Variants in TAF5 observed in about 807,000 individuals in gnomAD.
TAF5 encodes the protein transcription initiation factor TFIID subunit 5.
In TAF5, 20 loss-of-function variants were observed where a neutral mutation model predicts 80.9. That is an observed-to-expected ratio of 0.25 (90% confidence interval 0.17 to 0.36). The LOEUF (loss-of-function observed/expected upper bound fraction) is 0.36, where lower values mean the gene tolerates loss of function less well. Ranked by LOEUF, TAF5 falls within the 10% of genes least tolerant of loss-of-function variation. TAF5 has a pLI of 1.00. For synonymous variants in TAF5, 388 were observed against 406.4 expected, an observed-to-expected ratio of 0.95 and a Z score of 0.55; for missense variants, 863 against 1,029.4, an observed-to-expected ratio of 0.84 and a Z score of 2.21.
Position 103,387,369 on chromosome 10 carries a change from C to T in TAF5, c.2007+17C>T, listed in dbSNP as rs1210891361. On this transcript the variant is annotated intron_variant, in intron 9 of 10. Coordinates refer to ENST00000369839, the MANE Select transcript of TAF5 (RefSeq NM_006951.5). ...GGACACAAGGTATTTTACACTCTTA[C>T]TATTCCAGCATCCAAGGTTGCTTTC... 6 of 1,590,638 alleles carry T rather than the reference C, an allele frequency of 3.8e-6. No homozygotes were observed. The highest frequency in any genetic ancestry group is 5.1e-6 in the Non-Finnish European group (6 of 1,169,714).
chr10:103,381,245 G>A (rs1018646753), intron 5 of TAF5, among the ~76,000 whole-genome samples: 2 of 151,276 alleles, frequency 1.3e-5, no homozygotes, highest in Non-Finnish European at 2.9e-5. Flanking sequence ...CCCCGCGCCC[G>A]GCCAAACTTA....
chr10:103,379,458 A>G, intron 3 of TAF5, 150 bp from the exon 4 acceptor site: 1 of 670,126 alleles, frequency 1.5e-6, no homozygotes, highest in African/African-American at 1.9e-5. Flanking sequence ...GTAAGGAAAA[A>G]GGGGAGAATG....
Position 103,367,986 on chromosome 10 carries a change from C to T in TAF5, c.-4C>T, listed in dbSNP as rs1156354454. 3 of 1,459,744 alleles carry T rather than the reference C, an allele frequency of 2.1e-6. No individual in the cohort carries two copies. Among genetic ancestry groups the T allele is most frequent in the East Asian group, 3.0e-5 (1 of 33,756 alleles). 90.4% of individuals were successfully genotyped at this position (1,459,744 alleles called of 1,614,324 possible). A position where few individuals can be genotyped will look rare whatever the true frequency, so the allele number is the denominator to read the frequency against. On this transcript the variant is annotated 5_prime_UTR_variant, in exon 1 of 11. Coordinates refer to ENST00000369839, the MANE Select transcript of TAF5 (RefSeq NM_006951.5). Reference sequence around the variant, plus strand: ...TTGACGGCGCGAGGTGGCTCAGCCGCAAGATGGCGGCGCTGGCGGAGGAGC... The same window carrying T: ...TTGACGGCGCGAGGTGGCTCAGCCGTAAGATGGCGGCGCTGGCGGAGGAGC...
At chr10:103,382,813 A>G (rs1360134613) in intron 6 of TAF5, among the ~76,000 whole-genome samples, 1 of 150,506 alleles carries the variant, frequency 6.6e-6, no homozygotes, top group Non-Finnish European at 1.5e-5. Flanking sequence ...ACACTGGCTA[A>G]TTTTTTATTT....
At chr10:103,375,510 C>A (rs997915057) in intron 2 of TAF5, among the ~76,000 whole-genome samples, 1 of 152,160 alleles carries the variant, frequency 6.6e-6, no homozygotes, top group Non-Finnish European at 1.5e-5. Context: ...ATGCCTTTGA[C>A]TCATTTAAGA....
chr10:103,379,950 C>T lies in TAF5; in HGVS notation c.1344C>T (p.Thr448=), dbSNP rs1019592061. The T allele has an allele frequency of 6.2e-7, 1 of 1,613,896 alleles. No homozygotes were observed. The highest frequency in any genetic ancestry group is 8.5e-7 in the Non-Finnish European group (1 of 1,179,986). The change falls in exon 5 of 11, where the codon ACC becomes ACT. Residue 448 remains threonine, a synonymous_variant. Coordinates refer to ENST00000369839, the MANE Select transcript of TAF5 (RefSeq NM_006951.5). ...AGATAATGAATATGAAAGAAACCAC[C>T]AAACGAGTGCGCCTTGGGCCGGACT... is the stretch of plus-strand genomic sequence containing the variant. ...LDKIMNMKET[T]KRVRLGPDCL...
At chr10:103,376,130 C>T (rs889383126) in intron 2 of TAF5, among the ~76,000 whole-genome samples, 1 of 150,366 alleles carries the variant, frequency 6.7e-6, no homozygotes, top group African/African-American at 2.4e-5. Context: ...TTGCTCTTGT[C>T]ACCCAGGCTG....
intron 6 of TAF5, 111 bp downstream of exon 6, chr10:103,381,952 ACTTT>A: frequency 6.9e-7 from 1 of 1,441,886 alleles, no homozygotes; most frequent in Non-Finnish European, 9.5e-7. Flanking sequence ...ACTTGATTTT[ACTTT>A]AACTCAAGAT....
intron 2 of TAF5, among the ~76,000 whole-genome samples, chr10:103,375,994 G>T (rs2093369167): frequency 6.6e-6 from 1 of 151,132 alleles, no homozygotes; most frequent in East Asian, 2.0e-4. Context: ...GGAGGCAGAG[G>T]TTGCAGTGAG....
At chr10:103,387,903 A>AT in intron 10 of TAF5, 103 bp from the exon 11 acceptor site, 1 of 1,258,498 alleles carries the variant, frequency 7.9e-7, no homozygotes, top group South Asian at 1.4e-5. Flanking sequence ...TCAAGTTTAG[A>AT]TTTTTCACCC....
Position 103,388,851 on chromosome 10 carries a change from C to CGG in TAF5, c.*628_*629insGG, listed in dbSNP as rs2093404533. ...AAACCAGGTGAAGAAATTTAGCTTC[C>CGG]ATGTTCTACTTCAGCTAAAACAGCT... is the stretch of plus-strand genomic sequence containing the variant. On this transcript the variant is annotated 3_prime_UTR_variant, in exon 11 of 11. Transcript: ENST00000369839. 6.5e-6 allele frequency: 1 copy of CGG among 152,952 alleles called. No individual in the cohort carries two copies. The highest frequency in any genetic ancestry group is 2.4e-5 in the African/African-American group (1 of 41,438). The allele number at this position is 152,952 out of a possible 1,614,324, so 9.5% of individuals were successfully genotyped here.
chr10:103,368,645 G>T, intron 1 of TAF5, 97 bp downstream of exon 1: 1 of 1,372,382 alleles, frequency 7.3e-7, no homozygotes, highest in South Asian at 1.7e-5. Context: ...GGCTTGTTTT[G>T]AATTTCCTGG....
intron 1 of TAF5, 23 bp downstream of exon 1, chr10:103,368,571 G>T (rs1221304282): frequency 6.8e-7 from 1 of 1,460,006 alleles, no homozygotes; most frequent in Non-Finnish European, 9.0e-7. Context: ...GTCCCGGGTA[G>T]GTACGGCCGC....
Position 103,385,498 on chromosome 10 carries a change from C to G in TAF5, c.1829+8C>G, listed in dbSNP as rs1307796490. ...CCATGACCGAGTAGCTCGGTAAGAA[C>G]ACTGTGATCTTATGACTGGGTCTAT... On this transcript the variant is annotated splice_region_variant and intron_variant, in intron 8 of 10. Coordinates refer to ENST00000369839, the MANE Select transcript of TAF5 (RefSeq NM_006951.5). 1 of 1,613,188 alleles carries G rather than the reference C, an allele frequency of 6.2e-7. No homozygotes were observed. The highest frequency in any genetic ancestry group is 8.5e-7 in the Non-Finnish European group (1 of 1,179,750).
Position 103,368,568 on chromosome 10 carries a change from G to C in TAF5, c.559+20G>C, listed in dbSNP as rs2093351262. Reference sequence around the variant, plus strand: ...GTAAAGGTGAGCCGTGGGGTCCCGGGTAGGTACGGCCGCCGCGAAGGGGAG... The same window carrying C: ...GTAAAGGTGAGCCGTGGGGTCCCGGCTAGGTACGGCCGCCGCGAAGGGGAG... On this transcript the variant is annotated intron_variant, in intron 1 of 10. Transcript: ENST00000369839. 1 of 1,465,988 alleles carries C rather than the reference G, an allele frequency of 6.8e-7. No homozygotes were observed. The highest frequency in any genetic ancestry group is 1.4e-5 in the South Asian group (1 of 72,174). 90.8% of individuals were successfully genotyped at this position (1,465,988 alleles called of 1,614,324 possible).
chr10:103,386,912 C>T (rs1484893565), intron 8 of TAF5, among the ~76,000 whole-genome samples: 1 of 151,558 alleles, frequency 6.6e-6, no homozygotes, highest in Non-Finnish European at 1.5e-5. Flanking sequence ...ATCTGCATGC[C>T]TCGGCCTCCC....
At chr10:103,379,556 G>A (rs2093377378) in intron 3 of TAF5, 52 bp from the exon 4 acceptor site, 1 of 1,377,178 alleles carries the variant, frequency 7.3e-7, no homozygotes, top group African/African-American at 1.5e-5. Context: ...ATGTAAAATG[G>A]GTATATTAAT....
Position 103,368,273 on chromosome 10 carries a change from A to C in TAF5, c.284A>C (p.Gln95Pro), listed in dbSNP as rs1206626696. ...GACGCCGGCGCTCCGCATGACCGAC[A>C]GACTCTACTGGCCGTGCTGCAGTTC... The part of the protein sequence containing the change: ...APDAGAPHDR[Q>P]TLLAVLQFLR... The change falls in exon 1 of 11, where the codon CAG becomes CCG. Residue 95 changes from glutamine to proline, a missense_variant. By Grantham distance (76) the Gln-to-Pro change is moderately conservative. This residue lies in a region of TAF5 where 367 missense variants were observed against 335.5 expected (regional missense o/e 1.09). Transcript: ENST00000369839. 2.6e-6 allele frequency: 4 copies of C among 1,562,648 alleles called. No individual in the cohort carries two copies. The highest frequency in any genetic ancestry group is 3.4e-6 in the Non-Finnish European group (4 of 1,163,758).
intron 8 of TAF5, among the ~76,000 whole-genome samples, chr10:103,386,722 G>T (rs978249303): frequency 6.1e-5 from 9 of 147,266 alleles, no homozygotes; most frequent in Non-Finnish European, 1.3e-4. Flanking sequence ...GGAGTGCAGT[G>T]TCGCCATCTC....
Sources: gnomAD v4.1 joint callset for allele counts (sites outside exome capture counted in the v4.1 genomes callset) on GRCh38, gnomAD v4.1.1 for gene constraint, gnomAD v4.1.1 regional missense constraint, MANE v1.5 for transcripts, NCBI Gene and HGNC (gene_info 2026-07-23, HGNC 2026-07-21) for gene names.